KDM5B: variants seen among roughly 807,000 people sequenced by gnomAD.
KDM5B encodes the protein lysine-specific demethylase 5B.
In KDM5B, 144 loss-of-function variants were observed where a neutral mutation model predicts 193.4. That is an observed-to-expected ratio of 0.74 (90% CI 0.65 to 0.86). The LOEUF (loss-of-function observed/expected upper bound fraction) is 0.86, where lower values mean the gene tolerates loss of function less well. KDM5B is among the 40% of genes least tolerant of loss of function. The pLI, the probability that KDM5B is intolerant of heterozygous loss-of-function variation, is 0.00. For missense variants in KDM5B, 1,833 were observed against 1,886.9 expected, an observed-to-expected ratio of 0.97 and a Z score of 0.53; for synonymous variants, 668 against 682.6, an observed-to-expected ratio of 0.98 and a Z score of 0.33.
Position 202,741,724 on chromosome 1 carries a change from TAAAA to T in KDM5B, c.2590-6_2590-3del, listed in dbSNP as rs749972784. The T allele has an allele frequency of 4.4e-5, 66 of 1,504,000 alleles. No individual in the cohort carries two copies. The African/African-American group carries it at 5.6e-4, about 13-fold the overall frequency. The allele number at this position is 1,504,000 out of a possible 1,614,324, so 93.2% of individuals were successfully genotyped here. A position where few individuals can be genotyped will look rare whatever the true frequency, so the allele number is the denominator to read the frequency against. ...ATCTTCTACACGATTCAAGAGATCC[TAAAA>T]AAAAATACACAGGTTGTTGCATTAA... On this transcript the variant is annotated splice_polypyrimidine_tract_variant and splice_region_variant and intron_variant, in intron 18 of 26. Transcript: ENST00000367265.
intron 19 of KDM5B, 26 bp from the exon 20 acceptor site, chr1:202,740,838 T>TA (rs1558484732): frequency 1.9e-6 from 3 of 1,580,398 alleles, no homozygotes; most frequent in South Asian, 2.3e-5. Context: ...AAAGACTTCT[T>TA]AGCATTTTAT....
chr1:202,742,982 A>T (rs559957968), intron 16 of KDM5B, among the ~76,000 whole-genome samples, 177 bp from the exon 17 acceptor site: 16 of 152,312 alleles, frequency 1.1e-4, no homozygotes, highest in Admixed American at 6.5e-4. Flanking sequence ...GTGGTGGCTG[A>T]ACACGGAGTT....
At chr1:202,785,557 G>C (rs949724360) in intron 1 of KDM5B, among the ~76,000 whole-genome samples, 1 of 151,370 alleles carries the variant, frequency 6.6e-6, no homozygotes, top group African/African-American at 2.4e-5. Context: ...TGAGGGTTAA[G>C]TAAAATAATA....
intron 4 of KDM5B, among the ~76,000 whole-genome samples, chr1:202,770,159 C>T (rs1467222818): frequency 4.6e-5 from 7 of 152,078 alleles, no homozygotes; most frequent in Non-Finnish European, 8.8e-5. Flanking sequence ...AAAATACACA[C>T]GATATGGTTT....
At chr1:202,793,427 T>A (rs752765352) in intron 1 of KDM5B, among the ~76,000 whole-genome samples, 1 of 152,198 alleles carries the variant, frequency 6.6e-6, no homozygotes, top group Non-Finnish European at 1.5e-5. Flanking sequence ...ACAGCCTAAG[T>A]TCAAATCTGG....
intron 13 of KDM5B, 80 bp downstream of exon 13, chr1:202,750,579 T>C: frequency 6.7e-7 from 1 of 1,502,766 alleles, no homozygotes; most frequent in Admixed American, 1.8e-5. Context: ...CCAGCCCACA[T>C]GACACTTTAA....
rs778821841 is a variant in KDM5B, at chr1:202,729,717, T to C, written c.4487A>G (p.Glu1496Gly). 1 of 1,613,198 alleles carries C rather than the reference T, an allele frequency of 6.2e-7. No individual in the cohort carries two copies. The highest frequency in any genetic ancestry group is 8.5e-7 in the Non-Finnish European group (1 of 1,179,416). ...ICPAVSCLQP[E>G]GDEVDWVQCD... is the part of the protein sequence containing the mutation. ...CCAAACCTCACTGACCTCATCTCCT[T>C]CTGGCTGCAGGCAGCTCACAGCTGG... is the stretch of plus-strand genomic sequence containing the variant. The change falls in exon 26 of 27, where the codon GAA becomes GGA. Residue 1496 changes from glutamate (E) to glycine (G), a missense_variant. By Grantham distance (98) the Glu-to-Gly change is moderately conservative. Transcript: ENST00000367265.
At chr1:202,738,858 A>G (rs563194528) in intron 20 of KDM5B, among the ~76,000 whole-genome samples, 1 of 152,354 alleles carries the variant, frequency 6.6e-6, no homozygotes, top group Non-Finnish European at 1.5e-5. Context: ...TAACAATGCT[A>G]CAAGTGAATT....
Position 202,742,796 on chromosome 1 carries a change from C to G in KDM5B, c.2333G>C (p.Ser778Thr). 1 of 1,613,602 alleles carries G rather than the reference C, an allele frequency of 6.2e-7. No homozygotes were observed. The highest frequency in any genetic ancestry group is 8.5e-7 in the Non-Finnish European group (1 of 1,179,616). The change falls in exon 17 of 27, where the codon AGC (serine) becomes ACC (threonine). Residue 778 changes from serine (S) to threonine (T), a missense_variant. This residue lies in a region of KDM5B where 1,379 missense variants were observed against 1,349.6 expected (regional missense o/e 1.02). Transcript: ENST00000367265. ...AKINKKKSLV[S>T]FKALIEESEM... ...AGATTCTTCAATTAAAGCCTTGAAG[C>G]TGACAAGGCCTAGGAATGAAGAAAA...
At chr1:202,756,011 G>T (rs1655996209) in intron 10 of KDM5B, among the ~76,000 whole-genome samples, 1 of 149,622 alleles carries the variant, frequency 6.7e-6, no homozygotes. Flanking sequence ...TTCCTACCAA[G>T]ATAGAAACAG....
intron 1 of KDM5B, among the ~76,000 whole-genome samples, chr1:202,789,965 G>A (rs1396629759): frequency 1.3e-5 from 2 of 152,160 alleles, no homozygotes; most frequent in African/African-American, 4.8e-5. Flanking sequence ...GCTCACGCCT[G>A]TAATCCCAGC....
At chr1:202,800,465 C>T (rs185186198) in intron 1 of KDM5B, among the ~76,000 whole-genome samples, 23 of 152,232 alleles carry the variant, frequency 1.5e-4, no homozygotes, top group African/African-American at 5.3e-4. Context: ...CTTGGCCTCC[C>T]GAGCAGCTGG....
chr1:202,772,559 A>G (rs2102295092), intron 4 of KDM5B, among the ~76,000 whole-genome samples: 1 of 152,352 alleles, frequency 6.6e-6, no homozygotes, highest in South Asian at 2.1e-4. Flanking sequence ...TAACAAGTAG[A>G]TAATAATCAA....
At chr1:202,800,407 C>G (rs1234812476) in intron 1 of KDM5B, among the ~76,000 whole-genome samples, 3 of 151,980 alleles carry the variant, frequency 2.0e-5, no homozygotes, top group African/African-American at 7.3e-5. Flanking sequence ...GTGGCGTGAT[C>G]AGGGCTCACC....
At position 202,756,380 on chromosome 1, in the gene KDM5B, A is replaced by T; in HGVS notation, c.1334T>A (p.Ile445Asn). Residue 445 changes from isoleucine (I) to asparagine (N), a missense_variant, in exon 10 of 27, where the codon ATC (isoleucine) becomes AAC (asparagine). Transcript: ENST00000367265. The part of the protein sequence containing the change: ...GSGFPVRDGK[I>N]KLSPEEEEYL... The stretch of plus-strand genomic sequence containing the variant: ...TACCTCTTCCTCAGGTGAGAGTTTG[A>T]TTTTCCCATCTCGGACAGGAAAGCC... 6.2e-7 allele frequency: 1 copy of T among 1,611,296 alleles called. No homozygotes were observed. Among genetic ancestry groups the T allele is most frequent in the Non-Finnish European group, 8.5e-7 (1 of 1,178,890 alleles).
intron 6 of KDM5B, 151 bp from the exon 7 acceptor site, chr1:202,762,959 G>T (rs1443331647): frequency 5.2e-6 from 3 of 580,482 alleles, no homozygotes; most frequent in East Asian, 2.7e-5. Flanking sequence ...TTATTCAAGG[G>T]CTCAAATGCT....
chr1:202,781,172 A>G (rs1657183259), intron 1 of KDM5B, among the ~76,000 whole-genome samples: 1 of 152,156 alleles, frequency 6.6e-6, no homozygotes. Flanking sequence ...AGTGGTGCAA[A>G]CCTGTAGTCC....
At chr1:202,791,253 T>C (rs2102330697) in intron 1 of KDM5B, among the ~76,000 whole-genome samples, 1 of 152,324 alleles carries the variant, frequency 6.6e-6, no homozygotes, top group South Asian at 2.1e-4. Flanking sequence ...AGTTGCAGTC[T>C]GATAAAACTG....
intron 9 of KDM5B, among the ~76,000 whole-genome samples, chr1:202,757,596 TGAAA>T (rs1336723808): frequency 6.6e-6 from 1 of 152,218 alleles, no homozygotes; most frequent in Non-Finnish European, 1.5e-5. Context: ...TCAAGAGAAC[TGAAA>T]ATTCAAATGG....
Sources: allele counts gnomAD v4.1 joint callset (sites outside exome capture counted in the v4.1 genomes callset), GRCh38; gene constraint gnomAD v4.1.1; regional missense constraint gnomAD v4.1.1; transcripts MANE v1.5; gene names NCBI Gene and HGNC (gene_info 2026-07-23, HGNC 2026-07-21).